Variants in PDCD11 observed in about 807,000 individuals in gnomAD.
PDCD11 encodes protein RRP5 homolog.
PDCD11 carries 97 observed loss-of-function variants against 198.9 expected under a neutral mutation model. The observed-to-expected ratio is 0.49, with a 90% CI of 0.41 to 0.58. The LOEUF (loss-of-function observed/expected upper bound fraction) is 0.58. Ranked by LOEUF, PDCD11 falls within the 20% of genes least tolerant of loss-of-function variation. The pLI, the probability that PDCD11 is intolerant of heterozygous loss-of-function variation, is 0.00. For synonymous variants in PDCD11, 893 were observed against 918.0 expected, an observed-to-expected ratio of 0.97 and a Z score of 0.49; for missense variants, 2,102 against 2,312.7, an observed-to-expected ratio of 0.91 and a Z score of 1.87.
intron 2 of PDCD11, among the ~76,000 whole-genome samples, 171 bp from the exon 3 acceptor site, chr10:103,400,226 C>CTT (rs113535367): frequency 6.6e-5 from 9 of 135,402 alleles, no homozygotes; most frequent in East Asian, 2.3e-4. Flanking sequence ...GGCCCCCCCC[C>CTT]TTTTTTTTTT....
intron 8 of PDCD11, 21 bp downstream of exon 8, chr10:103,409,827 A>G: frequency 1.3e-6 from 2 of 1,559,186 alleles, no homozygotes; most frequent in Non-Finnish European, 1.8e-6. Context: ...TTGAGCCTAT[A>G]TTTTCTTGAT....
At chr10:103,427,189 T>C in intron 20 of PDCD11, 140 bp from the exon 21 acceptor site, 2 of 735,904 alleles carry the variant, frequency 2.7e-6, no homozygotes, top group Non-Finnish European at 2.4e-6. Flanking sequence ...GCCTGACACA[T>C]CTGTCTTCAG....
chr10:103,412,703 A>T (rs1304357852), intron 8 of PDCD11, among the ~76,000 whole-genome samples: 3 of 152,126 alleles, frequency 2.0e-5, no homozygotes, highest in Admixed American at 1.3e-4. Context: ...ATCTCAAGTG[A>T]TCTGCCCACC....
At chr10:103,404,345 C>T (rs2030308958) in intron 4 of PDCD11, among the ~76,000 whole-genome samples, 1 of 152,040 alleles carries the variant, frequency 6.6e-6, no homozygotes, top group Non-Finnish European at 1.5e-5. Context: ...TTAGCCCAGG[C>T]TGGAGTGCAG....
chr10:103,422,204 C>T (rs1045810840), intron 17 of PDCD11, among the ~76,000 whole-genome samples: 3 of 151,050 alleles, frequency 2.0e-5, no homozygotes, highest in Middle Eastern at 3.4e-3. Context: ...CCTCAGCCTC[C>T]GGAGTAGCTA....
rs969960609 is a variant in PDCD11 at position 103,419,601 on chromosome 10, T to G, written c.2170T>G (p.Ser724Ala). 1 of 1,614,122 alleles carries G rather than the reference T, an allele frequency of 6.2e-7. No individual in the cohort carries two copies. The highest frequency in any genetic ancestry group is 8.5e-7 in the Non-Finnish European group (1 of 1,180,020). ...AGGTGGCCAGGATCCCAAGAACTTC[T>G]CAGAAATCCATCCTGGAATGCTGCT... ...VEGGQDPKNF[S>A]EIHPGMLLIG... The change falls in exon 16 of 36, where the codon TCA (serine) becomes GCA (alanine). Residue 724 changes from serine to alanine, a missense_variant. Transcript: ENST00000369797.
Position 103,413,145 on chromosome 10 carries a change from T to C in PDCD11, c.1008T>C (p.Pro336=), listed in dbSNP as rs2030901715. The C allele has an allele frequency of 1.9e-6, 3 of 1,614,196 alleles. No individual in the cohort carries two copies. The highest frequency in any genetic ancestry group is 2.5e-6 in the Non-Finnish European group (3 of 1,180,038). The part of the protein sequence containing the change: ...AVRACILCVH[P]RTRVVHLSLR... ...GGGCCTGCATCCTTTGCGTCCATCC[T>C]CGAACCAGAGTTGTGCACCTGAGCC... Residue 336 remains proline, a synonymous_variant, in exon 9 of 36, where the codon CCT becomes CCC. Transcript: ENST00000369797.
chr10:103,418,252 A>G (rs1592125089), intron 14 of PDCD11, among the ~76,000 whole-genome samples, 188 bp from the exon 15 acceptor site: 1 of 152,220 alleles, frequency 6.6e-6, no homozygotes, highest in East Asian at 1.9e-4. Flanking sequence ...GGGTCCACCC[A>G]TGAGTCCTGG....
At chr10:103,409,068 A>G (rs189076828) in intron 7 of PDCD11, among the ~76,000 whole-genome samples, 83 of 152,326 alleles carry the variant, frequency 5.4e-4, no homozygotes, top group African/African-American at 2.0e-3. Flanking sequence ...GAATATTTAC[A>G]TGATATTTAG....
chr10:103,397,438 C>T (rs1377126274), intron 1 of PDCD11, among the ~76,000 whole-genome samples: 1 of 152,150 alleles, frequency 6.6e-6, no homozygotes, highest in Admixed American at 6.5e-5. Flanking sequence ...AGCCCAACTT[C>T]TCCTTTAATT....
At chr10:103,440,923 C>G (rs2032360922) in intron 30 of PDCD11, 73 bp downstream of exon 30, 1 of 1,026,040 alleles carries the variant, frequency 9.7e-7, no homozygotes, top group Non-Finnish European at 1.5e-6. Flanking sequence ...CTGCCTCATC[C>G]TCTTTTACTT....
chr10:103,440,613 T>C, intron 29 of PDCD11, 32 bp downstream of exon 29: 2 of 1,608,686 alleles, frequency 1.2e-6, no homozygotes, highest in Non-Finnish European at 8.5e-7. Flanking sequence ...TGGCTGCCTA[T>C]CCTCCTCCTG....
intron 10 of PDCD11, 69 bp from the exon 11 acceptor site, chr10:103,414,201 G>C (rs1360008196): frequency 6.3e-7 from 1 of 1,580,062 alleles, no homozygotes; most frequent in Non-Finnish European, 8.7e-7. Context: ...CAGCATGCCT[G>C]TGGTAGCCCT....
At chr10:103,413,715 A>G (rs1380048726) in intron 9 of PDCD11, among the ~76,000 whole-genome samples, 3 of 152,218 alleles carry the variant, frequency 2.0e-5, no homozygotes, top group Non-Finnish European at 4.4e-5. Context: ...CTGTATTCCA[A>G]TACAACTTCT....
At chr10:103,424,896 T>TC (rs1564769322) in intron 19 of PDCD11, 88 bp from the exon 20 acceptor site, 3 of 1,481,436 alleles carry the variant, frequency 2.0e-6, no homozygotes, top group Non-Finnish European at 1.8e-6. Context: ...CCAGAGGGTT[T>TC]CCTCAGCCAC....
chr10:103,423,192 C>T, intron 18 of PDCD11, 55 bp downstream of exon 18: 2 of 1,458,206 alleles, frequency 1.4e-6, no homozygotes, highest in South Asian at 1.5e-5. Context: ...TTGTCCATTG[C>T]TCCCTCTCCT....
chr10:103,434,055 C>T lies in PDCD11; in HGVS notation c.3564+18C>T. ...GCTTCAAGGTCAGTGTGCTTGAGAT[C>T]CCTGGAGAGGGGACCCAAGTTCCCT... On this transcript the variant is annotated intron_variant, in intron 23 of 35. Transcript: ENST00000369797. The T allele has an allele frequency of 1.3e-6, 2 of 1,596,248 alleles. No homozygotes were observed. The highest frequency in any genetic ancestry group is 8.6e-7 in the Non-Finnish European group (1 of 1,163,706).
chr10:103,440,802 C>T lies in PDCD11; in HGVS notation c.4509C>T (p.Tyr1503=), dbSNP rs2032353231. ...AGGACGACAGCCTTGTGGACGTGTA[C>T]TATCGGGAGGGAAAAGAGGAGGCAG... The part of the protein sequence containing the change: ...SEEDDSLVDV[Y]YREGKEEAEE... The change falls in exon 30 of 36, where the codon TAC becomes TAT. Residue 1503 remains tyrosine (Y), a synonymous_variant. Coordinates refer to ENST00000369797, the MANE Select transcript of PDCD11 (RefSeq NM_014976.2). 1 of 1,613,910 alleles carries T rather than the reference C, an allele frequency of 6.2e-7. No individual in the cohort carries two copies. Among genetic ancestry groups the T allele is most frequent in the African/African-American group, 1.3e-5 (1 of 74,914 alleles).
Position 103,423,094 on chromosome 10 carries a change from A to T in PDCD11, c.2604A>T (p.Pro868=), listed in dbSNP as rs747519021. ...GCTCTGTGGTATTCAGTGGGGGTCC[A>T]GTGCCCGACCTGGTCCTGAAAGCCA... ...EDGSVVFSGG[P]VPDLVLKASR... The change falls in exon 18 of 36, where the codon CCA becomes CCT. Residue 868 remains proline, a synonymous_variant. Coordinates refer to ENST00000369797, the MANE Select transcript of PDCD11 (RefSeq NM_014976.2). The T allele has an allele frequency of 4.4e-6, 7 of 1,603,794 alleles. No individual in the cohort carries two copies. Among genetic ancestry groups the T allele is most frequent in the Non-Finnish European group, 5.1e-6 (6 of 1,174,860 alleles).
Sources: gnomAD v4.1 joint callset for allele counts (sites outside exome capture counted in the v4.1 genomes callset) on GRCh38, gnomAD v4.1.1 for gene constraint, MANE v1.5 for transcripts, NCBI Gene and HGNC (gene_info 2026-07-23, HGNC 2026-07-21) for gene names.